The following CBR4 variants were observed in gnomAD, a reference collection of about 807,000 sequenced individuals.
CBR4 encodes the protein 3-oxoacyl-[acyl-carrier-protein] reductase.
A neutral mutation model predicts 21.0 loss-of-function variants in CBR4; 22 were observed. That is an observed-to-expected ratio of 1.05 (90% CI 0.75 to 1.50). The LOEUF is 1.50. Among genes scored for constraint, CBR4 ranks in the 40% most tolerant of loss-of-function variants. The pLI is 0.00. For missense variants in CBR4, 302 were observed against 286.3 expected (o/e 1.05, Z -0.40); for synonymous variants, 100 against 104.4 (o/e 0.96, Z 0.26).
chr4:168,896,935 G>A lies in CBR4; in HGVS notation n.170-2170C>T, dbSNP rs543176849. 1.2e-3 allele frequency among the ~76,000 whole-genome samples: 186 copies of A among 152,206 alleles called. 1 individual carries two copies. The highest frequency in any genetic ancestry group is 3.5e-3 in the African/African-American group (147 of 41,534). On this transcript the variant is annotated intron_variant and non_coding_transcript_variant, in intron 2 of 3. Coordinates refer to the CBR4 transcript ENST00000509108. ...CAACCTCTGTCTCCTGGGTTCAAGC[G>A]ATTCTCCTGCCTCAGCCTCCCAAGT...
At chr4:168,900,007 G>A (rs1371058253) in intron 2 of CBR4, among the ~76,000 whole-genome samples, 5 of 152,122 alleles carry the variant, frequency 3.3e-5, no homozygotes, top group African/African-American at 1.2e-4. Context: ...TTCTCCTGGT[G>A]CGGCCTCAGG....
intron 2 of CBR4, among the ~76,000 whole-genome samples, chr4:168,913,238 T>C (rs1176645059): frequency 6.6e-6 from 1 of 150,994 alleles, no homozygotes; most frequent in African/African-American, 2.4e-5. Context: ...CCGGGTTCAA[T>C]AGATTCTTCT....
At chr4:169,000,133 C>T (rs997487438) in intron 4 of CBR4, among the ~76,000 whole-genome samples, 1 of 152,192 alleles carries the variant, frequency 6.6e-6, no homozygotes, top group Non-Finnish European at 1.5e-5. Context: ...GAAGCAAATA[C>T]ATGTAGTTCC....
intron 2 of CBR4, among the ~76,000 whole-genome samples, chr4:168,975,517 T>C (rs1035232754): frequency 6.6e-5 from 10 of 152,302 alleles, no homozygotes; most frequent in African/African-American, 1.7e-4. Flanking sequence ...CTTGAGTTCA[T>C]TGGCCTCTAG....
rs139482274 is a variant in CBR4, at chr4:168,937,636, C to CAA, written n.170-42873_170-42872dup. On this transcript the variant is annotated intron_variant and non_coding_transcript_variant, in intron 2 of 3. Coordinates refer to the CBR4 transcript ENST00000509108. ...ATATTTACCAAGCAAATAAAAAAAGCAAAAAAAAAAAAAAGTGGTTGCAAT... is the reference window on the plus strand; with the variant it reads ...ATATTTACCAAGCAAATAAAAAAAGCAAAAAAAAAAAAAAAAGTGGTTGCAAT... Among the ~76,000 whole-genome samples, 772 of 138,834 alleles carry CAA rather than the reference C, an allele frequency of 5.6e-3. 4 individuals are homozygous for CAA. The highest frequency in any genetic ancestry group is 6.2e-3 in the Admixed American group (88 of 14,176). 91.1% of individuals were successfully genotyped at this position (138,834 alleles called of 152,430 possible).
intron 2 of CBR4, among the ~76,000 whole-genome samples, chr4:168,933,016 T>C (rs1338518506): frequency 6.6e-6 from 1 of 151,876 alleles, no homozygotes. Flanking sequence ...GTAGAGCTGA[T>C]ATACAAAAGA....
Position 169,007,671 on chromosome 4 carries a change from T to G in CBR4, c.228A>C (p.Arg76=), listed in dbSNP as rs747974320. 7 of 1,589,680 alleles carry G rather than the reference T, an allele frequency of 4.4e-6. No homozygotes were observed. Among genetic ancestry groups the G allele is most frequent in the African/African-American group, 4.1e-5 (3 of 74,046 alleles). ...CAGCTGCATTTACCAAGAAATTTAC[T>G]CGACCTAAATGTTTCTCCAGCTCTT... ...TFEELEKHLG[R]VNFLVNAAGI... Residue 76 remains arginine, a synonymous_variant, in exon 2 of 5, where the codon CGA becomes CGC. Coordinates refer to ENST00000306193, the MANE Select transcript of CBR4 (RefSeq NM_032783.5).
At chr4:169,008,974 C>T in intron 1 of CBR4, 1 of 455,186 alleles carries the variant, frequency 2.2e-6, no homozygotes, top group East Asian at 7.0e-5. Context: ...GTCCCAGGTC[C>T]TTGGGAGACT....
rs1005925580 is a variant in CBR4, at chr4:169,006,964, A to T, written c.264-73T>A. ...CCAAAAAGGTCAAGACTAATGTAAC[A>T]TTTTTACTGAGAGTGCAAGAAGTGC... On this transcript the variant is annotated intron_variant, in intron 2 of 4. Transcript: ENST00000306193. The T allele has an allele frequency of 7.5e-6, 9 of 1,200,240 alleles. No homozygotes were observed. In the Admixed American group the frequency reaches 1.7e-4, roughly 22 times the overall value. 74.3% of individuals were successfully genotyped at this position (1,200,240 alleles called of 1,614,324 possible).
At chr4:168,903,965 T>A (rs1162484149) in intron 2 of CBR4, 2 of 1,454,608 alleles carry the variant, frequency 1.4e-6, no homozygotes, top group East Asian at 4.5e-5. Context: ...GGCATTTGAT[T>A]AGACAAAGGA....
At chr4:168,933,290 C>T (rs1275055905) in intron 2 of CBR4, among the ~76,000 whole-genome samples, 3 of 152,048 alleles carry the variant, frequency 2.0e-5, no homozygotes, top group African/African-American at 7.2e-5. Context: ...GTAAAAGACA[C>T]ACAAAGACTG....
At chr4:168,929,601 T>C (rs1371572753) in intron 2 of CBR4, among the ~76,000 whole-genome samples, 2 of 152,194 alleles carry the variant, frequency 1.3e-5, no homozygotes, top group Admixed American at 6.5e-5. Context: ...CTTTAAATTA[T>C]AGAAATACAA....
chr4:168,904,379 AT>A (rs1290490854), intron 2 of CBR4: 3 of 161,850 alleles, frequency 1.9e-5, no homozygotes, highest in African/African-American at 7.2e-5. Flanking sequence ...ACAAATGATA[AT>A]TTTGATAGCA....
At position 168,943,834 on chromosome 4, in the gene CBR4, C is replaced by T. The variant is rs992993001; in HGVS notation, n.170-49069G>A. Among the ~76,000 whole-genome samples, 45 of 151,980 alleles carry T rather than the reference C, an allele frequency of 3.0e-4. 1 individual carries two copies. Among genetic ancestry groups the T allele is most frequent in the African/African-American group, 9.7e-4 (40 of 41,384 alleles). ...CTGAAGTAGGAGGATCGCTTGAACC[C>T]GAGAGGTGGGGGCTGCAGTGAGCCG... On this transcript the variant is annotated intron_variant and non_coding_transcript_variant, in intron 2 of 3. Coordinates refer to the CBR4 transcript ENST00000509108.
At chr4:168,993,521 T>G (rs2126818545) in intron 4 of CBR4, among the ~76,000 whole-genome samples, 1 of 152,296 alleles carries the variant, frequency 6.6e-6, no homozygotes, top group East Asian at 1.9e-4. Flanking sequence ...AACAAAAGTA[T>G]TTTCAAAAGT....
intron 2 of CBR4, among the ~76,000 whole-genome samples, chr4:168,944,173 A>G (rs1763338972): frequency 6.6e-6 from 1 of 152,070 alleles, no homozygotes; most frequent in Non-Finnish European, 1.5e-5. Context: ...ACCTGAGTGT[A>G]GTGGTTCACA....
chr4:168,975,054 T>C (rs1323037882), intron 2 of CBR4, among the ~76,000 whole-genome samples: 3 of 152,216 alleles, frequency 2.0e-5, no homozygotes, highest in African/African-American at 4.8e-5. Flanking sequence ...TGGAAAGATC[T>C]GGGACTCAAT....
At chr4:168,956,597 CAAAAAAAAAAAAAAAAA>C (rs59962690) in intron 2 of CBR4, among the ~76,000 whole-genome samples, 6 of 29,674 alleles carry the variant, frequency 2.0e-4, no homozygotes, top group African/African-American at 3.4e-4. Flanking sequence ...GACCCTGTCT[CAAAAAAAAAAAAAAAAA>C]AAAAAAAAAA....
intron 2 of CBR4, chr4:168,916,151 A>G (rs1321280983): frequency 1.0e-6 from 1 of 952,386 alleles, no homozygotes; most frequent in East Asian, 2.4e-5. Flanking sequence ...AGTGGCTCAC[A>G]CCTATAATCC....
Sources: gnomAD v4.1 joint callset for allele counts (sites outside exome capture counted in the v4.1 genomes callset) on GRCh38, gnomAD v4.1.1 for gene constraint, MANE v1.5 for transcripts, NCBI Gene and HGNC (gene_info 2026-07-23, HGNC 2026-07-21) for gene names.